BPIFB1: variants seen among roughly 807,000 people sequenced by gnomAD.
BPIFB1 encodes the protein BPI fold-containing family B member 1.
In BPIFB1, 34 loss-of-function variants were observed where a neutral mutation model predicts 55.1. That is an observed-to-expected ratio of 0.62 (90% CI 0.47 to 0.82). BPIFB1 has a LOEUF of 0.82. Among genes scored for constraint, BPIFB1 ranks in the 40% least tolerant of loss-of-function variants. The pLI, the probability that BPIFB1 is intolerant of heterozygous loss-of-function variation, is 0.00. For missense variants in BPIFB1, 532 were observed against 593.1 expected (o/e 0.90, Z 1.07); for synonymous variants, 236 against 245.3 (o/e 0.96, Z 0.35).
intron 15 of BPIFB1, chr20:33,307,983 T>C (rs1981092297): frequency 6.6e-6 from 1 of 151,964 alleles, no homozygotes; most frequent in South Asian, 2.1e-4. Flanking sequence ...AGAGGTTTAA[T>C]TGGCTTGTGG....
chr20:33,297,646 C>A (rs1207310100), intron 7 of BPIFB1, 58 bp downstream of exon 7: 1 of 1,580,308 alleles, frequency 6.3e-7, no homozygotes, highest in Middle Eastern at 1.7e-4. Context: ...GCCTCCAGAC[C>A]CTGACTCCAC....
Position 33,302,408 on chromosome 20 carries a change from A to T in BPIFB1, c.977A>T (p.Glu326Val), listed in dbSNP as rs760647634. The T allele has an allele frequency of 6.2e-6, 10 of 1,613,646 alleles. No homozygotes were observed. In the African/African-American group the frequency reaches 9.4e-5, roughly 15 times the overall value. Residue 326 changes from glutamate (E) to valine (V), a missense_variant, in exon 10 of 16, where the codon GAA becomes GTA. Glu to Val is a moderately radical substitution (Grantham distance 121, BLOSUM62 -2). Coordinates refer to ENST00000253354, the MANE Select transcript of BPIFB1 (RefSeq NM_033197.3). The stretch of plus-strand genomic sequence containing the variant: ...AAGTCAAGCATCGGGCTGATCAATG[A>T]AAAGGTTGGTCTGTTTGCCATCTGC... ...RLKSSIGLIN[E>V]KAADKLGSTQ...
Position 33,307,232 on chromosome 20 carries a change from C to T in BPIFB1, c.1395+245C>T. The T allele has an allele frequency of 8.0e-6, 4 of 498,698 alleles. No homozygotes were observed. The South Asian group carries it at 1.2e-4, about 14-fold the overall frequency. 30.9% of individuals were successfully genotyped at this position (498,698 alleles called of 1,614,324 possible). A position where few individuals can be genotyped will look rare whatever the true frequency, so the allele number is the denominator to read the frequency against. On this transcript the variant is annotated intron_variant, in intron 15 of 15. Transcript: ENST00000253354. ...CTTGTCATTCATTCATTCATTCATTCATTCAGTAATTCACTAAATATTTTT... is the reference window on the plus strand; with the variant it reads ...CTTGTCATTCATTCATTCATTCATTTATTCAGTAATTCACTAAATATTTTT...
Position 33,285,924 on chromosome 20 carries a change from G to A in BPIFB1, c.-41-109G>A. The A allele has an allele frequency of 1.1e-5, 7 of 657,534 alleles. No individual in the cohort carries two copies. In the South Asian group the frequency reaches 1.3e-4, roughly 12 times the overall value. The allele number at this position is 657,534 out of a possible 1,614,324, so 40.7% of individuals were successfully genotyped here. A position where few individuals can be genotyped will look rare whatever the true frequency, so the allele number is the denominator to read the frequency against. On this transcript the variant is annotated intron_variant, in intron 1 of 15. Transcript: ENST00000253354. ...TAAGGCTACACAGCTAGCCCAGGCA[G>A]TTAAACACTGCACTCAACAGCCTCT... is the stretch of plus-strand genomic sequence containing the variant.
At chr20:33,299,802 C>A (rs967368045) in intron 7 of BPIFB1, 97 bp from the exon 8 acceptor site, 6 of 865,940 alleles carry the variant, frequency 6.9e-6, no homozygotes, top group South Asian at 1.4e-5. Context: ...CCTGCCCCCC[C>A]ATGCAACAGT....
chr20:33,285,817 C>A (rs889598519), intron 1 of BPIFB1, among the ~76,000 whole-genome samples: 1 of 152,150 alleles, frequency 6.6e-6, no homozygotes, highest in African/African-American at 2.4e-5. Context: ...CTCACTTAAT[C>A]CCTCAACTCT....
intron 3 of BPIFB1, 61 bp from the exon 4 acceptor site, chr20:33,289,824 G>A: frequency 6.8e-7 from 1 of 1,463,788 alleles, no homozygotes; most frequent in Non-Finnish European, 9.6e-7. Context: ...GATAGAGAGG[G>A]AGTGGATTTG....
chr20:33,293,450 G>A (rs1470850637), intron 6 of BPIFB1, among the ~76,000 whole-genome samples: 1 of 152,050 alleles, frequency 6.6e-6, no homozygotes, highest in Non-Finnish European at 1.5e-5. Context: ...TAGGTACATT[G>A]GGTTTAATAA....
Position 33,309,496 on chromosome 20 carries a change from T to C in BPIFB1, c.1396-212T>C, listed in dbSNP as rs557764845. ...CCATCTTCAAGTCTCAGTGTCCCCA[T>C]CTGCAAAATGGAGATGACATCAGGA... On this transcript the variant is annotated intron_variant, in intron 15 of 15. Transcript: ENST00000253354. This position sits in a 1 kb window ranked among gnomAD's most constrained non-coding sequence, Gnocchi z 4.4. 5.1e-4 allele frequency among the ~76,000 whole-genome samples: 78 copies of C among 152,284 alleles called. No homozygotes were observed. Among genetic ancestry groups the C allele is most frequent in the Non-Finnish European group, 8.8e-4 (60 of 68,022 alleles).
chr20:33,301,128 T>C (rs1003079328), intron 8 of BPIFB1, 105 bp from the exon 9 acceptor site: 4 of 1,181,630 alleles, frequency 3.4e-6, no homozygotes, highest in East Asian at 4.8e-5. Flanking sequence ...TGGCAACAAA[T>C]GCACAAAAAG....
chr20:33,286,954 A>T (rs1263087198), intron 2 of BPIFB1, among the ~76,000 whole-genome samples: 1 of 152,240 alleles, frequency 6.6e-6, no homozygotes, highest in African/African-American at 2.4e-5. Flanking sequence ...TCTGGAGGCC[A>T]CTTGAGCACT....
At chr20:33,304,756 T>G in intron 12 of BPIFB1, 90 bp from the exon 13 acceptor site, 2 of 1,489,966 alleles carry the variant, frequency 1.3e-6, no homozygotes, top group Non-Finnish European at 1.9e-6. Flanking sequence ...GCCTGGCACA[T>G]AATAGGTGCT....
In BPIFB1 at chr20:33,297,604, T is replaced by G. The variant is rs781426711; in HGVS notation, c.661+16T>G. ...CTGGTGAAGGGTAGGTGCTCTGCTC[T>G]CTCTCCCACTTTTTCCTTTACTACG... On this transcript the variant is annotated intron_variant, in intron 7 of 15. Coordinates refer to ENST00000253354, the MANE Select transcript of BPIFB1 (RefSeq NM_033197.3). 1.2e-6 allele frequency: 2 copies of G among 1,614,010 alleles called. No homozygotes were observed. Among genetic ancestry groups the G allele is most frequent in the East Asian group, 4.5e-5 (2 of 44,876 alleles).
intron 10 of BPIFB1, 112 bp from the exon 11 acceptor site, chr20:33,302,804 C>A: frequency 8.2e-7 from 1 of 1,222,298 alleles, no homozygotes; most frequent in Non-Finnish European, 1.2e-6. Context: ...GTGGCTGGAA[C>A]ACGTGAGGGA....
intron 14 of BPIFB1, chr20:33,306,480 CA>C (rs778946700): frequency 4.0e-5 from 13 of 322,672 alleles, no homozygotes; most frequent in Non-Finnish European, 6.9e-5. Context: ...TTCAGAGGCA[CA>C]AATCAGGAGG....
chr20:33,307,228 CATTCA>C (rs1388894775), intron 15 of BPIFB1: 240 of 507,164 alleles, frequency 4.7e-4, no homozygotes, highest in African/African-American at 4.3e-3. Context: ...TTCATTCATT[CATTCA>C]TTCAGTAATT....
chr20:33,303,996 C>T lies in BPIFB1; in HGVS notation c.1179C>T (p.Asp393=). ...AAGCTCAGTTTTACACCAAAGGTGACCAACTTATACTCAACTTGAATAACA... is the reference window on the plus strand; with the variant it reads ...AAGCTCAGTTTTACACCAAAGGTGATCAACTTATACTCAACTTGAATAACA... The part of the protein sequence containing the change: ...SSEAQFYTKG[D]QLILNLNNIS... The change falls in exon 12 of 16, where the codon GAC becomes GAT. Residue 393 remains aspartate (D), a synonymous_variant. Coordinates refer to ENST00000253354, the MANE Select transcript of BPIFB1 (RefSeq NM_033197.3). 2 of 1,613,664 alleles carry T rather than the reference C, an allele frequency of 1.2e-6. No individual in the cohort carries two copies. Among genetic ancestry groups the T allele is most frequent in the Non-Finnish European group, 1.7e-6 (2 of 1,179,896 alleles).
At chr20:33,297,407 G>T in intron 6 of BPIFB1, 118 bp from the exon 7 acceptor site, 1 of 1,065,954 alleles carries the variant, frequency 9.4e-7, no homozygotes, top group Non-Finnish European at 1.4e-6. Flanking sequence ...GATGGAACCT[G>T]GCTGGCCATG....
At chr20:33,308,641 C>T (rs1030600854) in intron 15 of BPIFB1, among the ~76,000 whole-genome samples, 4 of 145,196 alleles carry the variant, frequency 2.8e-5, no homozygotes, top group Admixed American at 1.4e-4. Context: ...TACACCTATA[C>T]ACATACATAC....
Sources: gnomAD v4.1 joint callset for allele counts (sites outside exome capture counted in the v4.1 genomes callset) on GRCh38, gnomAD v4.1.1 for gene constraint, Gnocchi (gnomAD v3.1) non-coding constraint, MANE v1.5 for transcripts, NCBI Gene and HGNC (gene_info 2026-07-23, HGNC 2026-07-21) for gene names.